CNTN5: variants seen among roughly 807,000 people sequenced by gnomAD.
CNTN5 encodes the protein contactin-5.
Under a neutral mutation model 129.1 loss-of-function variants are expected in CNTN5, and 77 were observed. The observed-to-expected ratio is 0.60, with a 90% CI of 0.50 to 0.72. CNTN5 has a LOEUF of 0.72. CNTN5 is among the 30% of genes least tolerant of loss of function. CNTN5 has a pLI of 0.00. For synonymous variants in CNTN5, 509 were observed against 465.6 expected (o/e 1.09, Z -1.20); for missense variants, 1,478 against 1,328.8 (o/e 1.11, Z -1.75).
intron 7 of CNTN5, among the ~76,000 whole-genome samples, chr11:99,924,977 T>C (rs1160741519): frequency 6.6e-6 from 1 of 152,100 alleles, no homozygotes; most frequent in Non-Finnish European, 1.5e-5. Context: ...ATTAGTTGAG[T>C]TGTGAATACA....
At chr11:99,277,135 G>C (rs1352783265) in intron 1 of CNTN5, among the ~76,000 whole-genome samples, 1 of 151,600 alleles carries the variant, frequency 6.6e-6, no homozygotes, top group East Asian at 1.9e-4. Context: ...GCTTTGTGTT[G>C]TGCTAGGTGC....
intron 6 of CNTN5, among the ~76,000 whole-genome samples, chr11:99,867,470 G>A (rs1345945892): frequency 6.6e-6 from 1 of 152,170 alleles, no homozygotes; most frequent in African/African-American, 2.4e-5. Flanking sequence ...CAAAAGCAAG[G>A]TGTTGGTGGG....
intron 3 of CNTN5, among the ~76,000 whole-genome samples, chr11:99,765,908 CATAAT>C (rs920588362): frequency 6.6e-6 from 1 of 151,884 alleles, no homozygotes; most frequent in Non-Finnish European, 1.5e-5. Context: ...AATACAATCA[CATAAT>C]ATAAAGATAA....
At chr11:100,114,794 A>G (rs1945784425) in intron 13 of CNTN5, among the ~76,000 whole-genome samples, 1 of 152,128 alleles carries the variant, frequency 6.6e-6, no homozygotes, top group South Asian at 2.1e-4. Flanking sequence ...CATTCAACAA[A>G]TAGATAATGA....
chr11:99,817,609 T>G (rs1401469283), intron 3 of CNTN5, among the ~76,000 whole-genome samples: 3 of 149,008 alleles, frequency 2.0e-5, no homozygotes, highest in South Asian at 2.1e-4. Context: ...TTTTTTTTTT[T>G]TTTTTTTTTT....
At chr11:100,221,497 G>A (rs1949265304) in intron 15 of CNTN5, among the ~76,000 whole-genome samples, 1 of 152,178 alleles carries the variant, frequency 6.6e-6, no homozygotes, top group African/African-American at 2.4e-5. Flanking sequence ...TGGGTGGAAA[G>A]ACAGCATTTT....
At chr11:99,780,714 A>C (rs181744559) in intron 3 of CNTN5, among the ~76,000 whole-genome samples, 1 of 152,224 alleles carries the variant, frequency 6.6e-6, no homozygotes, top group Admixed American at 6.6e-5. Flanking sequence ...TTTAATCCTT[A>C]CCTTCAAATC....
chr11:100,317,306 G>A (rs372112040), intron 21 of CNTN5, among the ~76,000 whole-genome samples: 4 of 152,258 alleles, frequency 2.6e-5, no homozygotes, highest in African/African-American at 7.2e-5. Context: ...GTATATGTGT[G>A]AAGATGGACT....
At chr11:99,178,184 A>C (rs567105953) in intron 1 of CNTN5, among the ~76,000 whole-genome samples, 1 of 150,124 alleles carries the variant, frequency 6.7e-6, no homozygotes, top group Non-Finnish European at 1.5e-5. Context: ...AACAAACAAA[A>C]AACTAGCAAC....
At chr11:100,280,629 C>A (rs1950616359) in intron 18 of CNTN5, among the ~76,000 whole-genome samples, 1 of 151,882 alleles carries the variant, frequency 6.6e-6, no homozygotes, top group South Asian at 2.1e-4. Flanking sequence ...ATTTTTTTGA[C>A]CATTCAGCCA....
chr11:100,225,772 A>G (rs1248491901), intron 16 of CNTN5, among the ~76,000 whole-genome samples: 3 of 152,110 alleles, frequency 2.0e-5, no homozygotes, highest in Non-Finnish European at 4.4e-5. Context: ...GTACAGATAA[A>G]AACATTATCA....
At chr11:99,965,164 A>T (rs533308194) in intron 8 of CNTN5, among the ~76,000 whole-genome samples, 1 of 151,778 alleles carries the variant, frequency 6.6e-6, no homozygotes, top group African/African-American at 2.4e-5. Flanking sequence ...ATTTCCTTTA[A>T]TTCTGCTCTG....
chr11:100,282,608 G>C (rs1315723313), intron 18 of CNTN5, among the ~76,000 whole-genome samples: 1 of 152,214 alleles, frequency 6.6e-6, no homozygotes, highest in Non-Finnish European at 1.5e-5. Flanking sequence ...GTTTGCTCAA[G>C]GCCCTGGGGC....
At chr11:99,434,490 T>C (rs1440538032) in intron 2 of CNTN5, among the ~76,000 whole-genome samples, 2 of 152,162 alleles carry the variant, frequency 1.3e-5, no homozygotes, top group Admixed American at 6.6e-5. Context: ...CAACAGCAAG[T>C]AAGATGCATA....
chr11:100,016,561 T>G (rs1940833848), intron 9 of CNTN5, among the ~76,000 whole-genome samples: 1 of 152,050 alleles, frequency 6.6e-6, no homozygotes, highest in South Asian at 2.1e-4. Flanking sequence ...GACAGTGAAA[T>G]AAAGGTTTTC....
At chr11:100,129,716 AG>A (rs1422387944) in intron 13 of CNTN5, among the ~76,000 whole-genome samples, 1 of 152,200 alleles carries the variant, frequency 6.6e-6, no homozygotes, top group African/African-American at 2.4e-5. Context: ...CATATCACAG[AG>A]GATTATCTTA....
At position 100,191,128 on chromosome 11, in the gene CNTN5, T is replaced by A; in HGVS notation, c.1583T>A (p.Ile528Lys). The change falls in exon 14 of 25, where the codon ATA becomes AAA. Residue 528 changes from isoleucine (I) to lysine (K), a missense_variant and splice_region_variant. Physicochemically the swap from Ile to Lys is moderately radical, Grantham distance 102. Transcript: ENST00000524871. ...AACTGTTTTTAAATAATTTTCAGAA[T>A]AGCTATTCTTCCAGACGGGAGTCTA... ...GDRAVRENKR[I>K]AILPDGSLRI... 6.3e-7 allele frequency: 1 copy of A among 1,583,100 alleles called. No homozygotes were observed. Among genetic ancestry groups the A allele is most frequent in the Non-Finnish European group, 8.6e-7 (1 of 1,166,526 alleles).
In CNTN5 at chr11:99,961,206, G is replaced by GAAAAAAA. The variant is rs769692454; in HGVS notation, c.877+4210_877+4216dup. Among the ~76,000 whole-genome samples the GAAAAAAA allele has an allele frequency of 8.7e-4, 83 of 95,686 alleles. 3 individuals carry two copies. Among genetic ancestry groups the GAAAAAAA allele is most frequent in the African/African-American group, 1.3e-3 (33 of 24,830 alleles). 62.8% of individuals were successfully genotyped at this position (95,686 alleles called of 152,430 possible). A position where few individuals can be genotyped will look rare whatever the true frequency, so the allele number is the denominator to read the frequency against. ...GGCCATAGAGTGAGACTCCGTCTCAGAAAAAAAAAAAAAAAAAAACAGTAG... is the reference window on the plus strand; with the variant it reads ...GGCCATAGAGTGAGACTCCGTCTCAGAAAAAAAAAAAAAAAAAAAAAAAAAACAGTAG... On this transcript the variant is annotated intron_variant, in intron 8 of 24. Transcript: ENST00000524871.
At chr11:100,164,224 ATCTACT>A (rs1202835195) in intron 13 of CNTN5, among the ~76,000 whole-genome samples, 1 of 151,826 alleles carries the variant, frequency 6.6e-6, no homozygotes, top group Non-Finnish European at 1.5e-5. Flanking sequence ...AGGCAAAAAA[ATCTACT>A]TCTGATAACA....
Sources: gnomAD v4.1 joint callset for allele counts (sites outside exome capture counted in the v4.1 genomes callset) on GRCh38, gnomAD v4.1.1 for gene constraint, MANE v1.5 for transcripts, NCBI Gene and HGNC (gene_info 2026-07-23, HGNC 2026-07-21) for gene names.